Variants in CNTNAP5 observed in about 807,000 individuals in gnomAD.
The protein encoded by CNTNAP5 is contactin-associated protein-like 5.
A neutral mutation model predicts 150.2 loss-of-function variants in CNTNAP5; 72 were observed. The ratio of observed to expected loss-of-function variants is 0.48; its 90% CI spans 0.40 to 0.58. The LOEUF (loss-of-function observed/expected upper bound fraction) is 0.58, where lower values mean the gene tolerates loss of function less well. Ranked by LOEUF, CNTNAP5 falls within the 20% of genes least tolerant of loss-of-function variation. CNTNAP5 has a pLI of 0.00. For missense variants in CNTNAP5, 1,636 were observed against 1,626.2 expected (o/e 1.01, Z -0.10); for synonymous variants, 672 against 619.8 (o/e 1.08, Z -1.25).
intron 7 of CNTNAP5, among the ~76,000 whole-genome samples, chr2:124,476,132 C>T (rs1169484764): frequency 6.6e-6 from 1 of 151,924 alleles, no homozygotes; most frequent in Non-Finnish European, 1.5e-5. Flanking sequence ...TATGTAGAAA[C>T]CTAATTTCCA....
intron 1 of CNTNAP5, among the ~76,000 whole-genome samples, chr2:124,126,956 C>G (rs1296227476): frequency 2.0e-5 from 3 of 152,154 alleles, no homozygotes; most frequent in South Asian, 2.1e-4. Context: ...CAATATCATA[C>G]TGAATGGGCA....
intron 3 of CNTNAP5, among the ~76,000 whole-genome samples, chr2:124,259,427 T>C (rs1282630815): frequency 1.3e-5 from 2 of 152,134 alleles, no homozygotes; most frequent in African/African-American, 2.4e-5. Context: ...CCTGGGGAAT[T>C]GCCACACTGA....
At chr2:124,811,109 AC>A (rs1682207948) in intron 19 of CNTNAP5, among the ~76,000 whole-genome samples, 2 of 125,356 alleles carry the variant, frequency 1.6e-5, no homozygotes, top group South Asian at 5.6e-4. Flanking sequence ...TTGAAAACCA[AC>A]CTCACCAAAA....
chr2:124,545,810 A>T (rs1695498916), intron 10 of CNTNAP5, among the ~76,000 whole-genome samples: 1 of 152,170 alleles, frequency 6.6e-6, no homozygotes, highest in Admixed American at 6.5e-5. Flanking sequence ...TTCAGCCTCA[A>T]GCCAAGTACA....
intron 12 of CNTNAP5, among the ~76,000 whole-genome samples, chr2:124,645,387 T>G (rs769443224): frequency 3.3e-5 from 5 of 152,090 alleles, no homozygotes; most frequent in Non-Finnish European, 5.9e-5. Flanking sequence ...GGCAATATAA[T>G]GAGAGCCCAT....
intron 1 of CNTNAP5, among the ~76,000 whole-genome samples, chr2:124,127,833 T>C (rs998203726): frequency 6.6e-6 from 1 of 152,040 alleles, no homozygotes; most frequent in South Asian, 2.1e-4. Flanking sequence ...TTAATAAATG[T>C]TGCTGGGAAA....
chr2:124,219,901 C>T (rs578144960), intron 1 of CNTNAP5, among the ~76,000 whole-genome samples: 14 of 151,950 alleles, frequency 9.2e-5, no homozygotes, highest in Admixed American at 7.2e-4. Context: ...ACCATATCTG[C>T]GATTTTTATG....
chr2:124,028,274 T>G (rs920981929), intron 1 of CNTNAP5, among the ~76,000 whole-genome samples: 2 of 147,990 alleles, frequency 1.4e-5, no homozygotes, highest in Non-Finnish European at 3.0e-5. Flanking sequence ...TAATATGTTG[T>G]TGGTGGTTGT....
chr2:124,771,112 T>C (rs1681182375), intron 16 of CNTNAP5, among the ~76,000 whole-genome samples: 2 of 152,152 alleles, frequency 1.3e-5, no homozygotes, highest in South Asian at 4.1e-4. Context: ...CTGCTTTCAG[T>C]TAAGGTTTAA....
At chr2:124,502,316 C>G (rs1350934020) in intron 7 of CNTNAP5, among the ~76,000 whole-genome samples, 2 of 152,084 alleles carry the variant, frequency 1.3e-5, no homozygotes, top group Non-Finnish European at 2.9e-5. Flanking sequence ...GCAAACTGAT[C>G]AAATAAGGAA....
chr2:124,756,348 A>G (rs1379311825), intron 14 of CNTNAP5, among the ~76,000 whole-genome samples: 1 of 152,204 alleles, frequency 6.6e-6, no homozygotes, highest in African/African-American at 2.4e-5. Flanking sequence ...ATTTTTGAAC[A>G]CAGTGTGGCG....
At chr2:124,778,947 G>A (rs1455008207) in intron 17 of CNTNAP5, among the ~76,000 whole-genome samples, 1 of 152,184 alleles carries the variant, frequency 6.6e-6, no homozygotes, top group East Asian at 1.9e-4. Context: ...GGTAAGAAGT[G>A]CCATGCTCCA....
intron 14 of CNTNAP5, among the ~76,000 whole-genome samples, chr2:124,749,240 T>G (rs963448651): frequency 6.6e-6 from 1 of 152,092 alleles, no homozygotes; most frequent in Non-Finnish European, 1.5e-5. Context: ...TCACAGTGCA[T>G]ATTAGACACT....
At chr2:124,364,058 T>G (rs1249637542) in intron 3 of CNTNAP5, among the ~76,000 whole-genome samples, 2 of 152,150 alleles carry the variant, frequency 1.3e-5, no homozygotes, top group Non-Finnish European at 2.9e-5. Context: ...CTACTCAGTC[T>G]TGAAGAGTAG....
At chr2:124,881,719 A>G (rs1213900894) in intron 21 of CNTNAP5, among the ~76,000 whole-genome samples, 1 of 151,936 alleles carries the variant, frequency 6.6e-6, no homozygotes, top group Admixed American at 6.6e-5. Flanking sequence ...TGAATTTTTT[A>G]CCATTGCCTG....
intron 19 of CNTNAP5, among the ~76,000 whole-genome samples, chr2:124,812,765 A>C (rs1682264586): frequency 6.6e-6 from 1 of 152,116 alleles, no homozygotes; most frequent in Non-Finnish European, 1.5e-5. Context: ...GTTATCTTAA[A>C]TGTATATGAT....
intron 7 of CNTNAP5, among the ~76,000 whole-genome samples, chr2:124,495,961 C>T (rs922172931): frequency 5.3e-5 from 8 of 152,136 alleles, no homozygotes; most frequent in Non-Finnish European, 7.4e-5. Flanking sequence ...CAGCAGAATA[C>T]GTGTCTCCCT....
At chr2:124,835,584 A>C (rs533907609) in intron 19 of CNTNAP5, among the ~76,000 whole-genome samples, 1 of 152,244 alleles carries the variant, frequency 6.6e-6, no homozygotes, top group South Asian at 2.1e-4. Context: ...TCTGAAGCAT[A>C]AAATCCAACC....
At chr2:124,112,060 A>T (rs1348690016) in intron 1 of CNTNAP5, among the ~76,000 whole-genome samples, 1 of 152,202 alleles carries the variant, frequency 6.6e-6, no homozygotes, top group African/African-American at 2.4e-5. Context: ...CTGGAGTTTC[A>T]TGTGTTCTCC....
Sources: allele counts gnomAD v4.1 joint callset (sites outside exome capture counted in the v4.1 genomes callset), GRCh38; gene constraint gnomAD v4.1.1; transcripts MANE v1.5; gene names NCBI Gene and HGNC (gene_info 2026-07-23, HGNC 2026-07-21).